The following DYNC2H1 variants were observed in gnomAD, a reference collection of about 807,000 sequenced individuals.
The protein encoded by DYNC2H1 is dynein cytoplasmic 2 heavy chain 1.
A neutral mutation model predicts 570.0 loss-of-function variants in DYNC2H1; 410 were observed. That is an observed-to-expected ratio of 0.72 (90% CI 0.66 to 0.78). The LOEUF is 0.78. Ranked by LOEUF, DYNC2H1 falls within the 30% of genes least tolerant of loss-of-function variation. The pLI is 0.00. For missense variants in DYNC2H1, 4,865 were observed against 5,046.4 expected (o/e 0.96, Z 1.09); for synonymous variants, 1,688 against 1,677.6 (o/e 1.01, Z -0.15).
Position 103,272,844 on chromosome 11 carries a change from A to G in DYNC2H1, c.10696-7504A>G, listed in dbSNP as rs539463511. 4.7e-5 allele frequency among the ~76,000 whole-genome samples: 7 copies of G among 150,296 alleles called. No homozygotes were observed. The South Asian group carries it at 1.3e-3, about 27-fold the overall frequency. ...ACCATCTAATGGCCTACTGTCATTTATTAATTTTTCTTCATTAGGTAGTTA... is the reference window on the plus strand; with the variant it reads ...ACCATCTAATGGCCTACTGTCATTTGTTAATTTTTCTTCATTAGGTAGTTA... On this transcript the variant is annotated intron_variant, in intron 70 of 88. Coordinates refer to ENST00000375735, the MANE Select transcript of DYNC2H1 (RefSeq NM_001377.3).
chr11:103,466,094 C>G (rs1945186504), intron 87 of DYNC2H1, among the ~76,000 whole-genome samples: 1 of 147,968 alleles, frequency 6.8e-6, no homozygotes, highest in Non-Finnish European at 1.5e-5. Context: ...GAACGACAGA[C>G]TAATGTAACA....
At position 103,204,030 on chromosome 11, in the gene DYNC2H1, AG is replaced by A. The variant is rs757983806; in HGVS notation, c.8311+255del. Among the ~76,000 whole-genome samples the A allele has an allele frequency of 6.6e-6, 1 of 152,144 alleles. No individual in the cohort carries two copies. The highest frequency in any genetic ancestry group is 1.5e-5 in the Non-Finnish European group (1 of 68,030). ...AAAGAAAGAGGTTTATTGGACTCAC[AG>A]TTCCCACATGGCTGGGGAGGCCTCA... On this transcript the variant is annotated intron_variant, in intron 51 of 88. Coordinates refer to ENST00000375735, the MANE Select transcript of DYNC2H1 (RefSeq NM_001377.3). The surrounding 1 kb of genome is among the most constrained non-coding windows in gnomAD (Gnocchi z 4.1).
At chr11:103,294,520 T>C (rs1315198633) in intron 75 of DYNC2H1, among the ~76,000 whole-genome samples, 1 of 152,188 alleles carries the variant, frequency 6.6e-6, no homozygotes, top group African/African-American at 2.4e-5. Context: ...GGGAGAATTC[T>C]CTGGGTTCCT....
chr11:103,376,221 T>C (rs1941385619), intron 83 of DYNC2H1, among the ~76,000 whole-genome samples: 1 of 152,228 alleles, frequency 6.6e-6, no homozygotes, highest in Non-Finnish European at 1.5e-5. Context: ...TGTGAGTCAA[T>C]TAAAACTCTT....
At chr11:103,182,263 C>A (rs1160147628) in intron 40 of DYNC2H1, among the ~76,000 whole-genome samples, 3 of 149,554 alleles carry the variant, frequency 2.0e-5, no homozygotes, top group African/African-American at 7.4e-5. Flanking sequence ...TATTTATATA[C>A]CTATATATAC....
intron 83 of DYNC2H1, among the ~76,000 whole-genome samples, chr11:103,389,981 T>G (rs953645708): frequency 1.8e-4 from 27 of 152,300 alleles, no homozygotes; most frequent in African/African-American, 2.9e-4. Context: ...CTGTTGATTT[T>G]GGGTGGAGAG....
intron 83 of DYNC2H1, among the ~76,000 whole-genome samples, chr11:103,371,767 G>A (rs1941155204): frequency 6.6e-6 from 1 of 151,992 alleles, no homozygotes; most frequent in African/African-American, 2.4e-5. Context: ...ACTATTAGTG[G>A]ATAGTAACAC....
Position 103,148,490 on chromosome 11 carries a change from C to A in DYNC2H1, c.2819C>A (p.Ala940Asp). The A allele has an allele frequency of 6.4e-7, 1 of 1,557,326 alleles. No homozygotes were observed. The highest frequency in any genetic ancestry group is 8.7e-7 in the Non-Finnish European group (1 of 1,149,578). The change falls in exon 20 of 89, where the codon GCT (alanine) becomes GAT (aspartate). Residue 940 changes from alanine (A) to aspartate (D), a missense_variant and splice_region_variant. By Grantham distance (126) the Ala-to-Asp change is moderately radical (BLOSUM62 -2). Transcript: ENST00000375735. ...LVLSLKKSIQ[A>D]HLHEIDTFVT... The stretch of plus-strand genomic sequence containing the variant: ...CTTGTATTTCAATGTTACCACTCAG[C>A]TCATTTACATGAAATTGATACATTT...
intron 87 of DYNC2H1, among the ~76,000 whole-genome samples, chr11:103,458,766 C>G (rs1334288397): frequency 6.6e-6 from 1 of 151,966 alleles, no homozygotes; most frequent in Non-Finnish European, 1.5e-5. Context: ...CCCCAGCAAC[C>G]CCAACCTTTT....
chr11:103,470,870 A>G (rs1000479919), intron 88 of DYNC2H1, among the ~76,000 whole-genome samples: 5 of 152,236 alleles, frequency 3.3e-5, no homozygotes, highest in Non-Finnish European at 7.3e-5. Flanking sequence ...GTGCCGCTAT[A>G]AACATACGTG....
chr11:103,250,261 T>C (rs1052257262), intron 65 of DYNC2H1, among the ~76,000 whole-genome samples: 1 of 152,100 alleles, frequency 6.6e-6, no homozygotes, highest in African/African-American at 2.4e-5. Flanking sequence ...TTTCCTGATA[T>C]TGATAATTTT....
At position 103,394,266 on chromosome 11, in the gene DYNC2H1, T is replaced by C. The variant is rs753272357; in HGVS notation, c.12157-5397T>C. Among the ~76,000 whole-genome samples, 12 of 152,180 alleles carry C rather than the reference T, an allele frequency of 7.9e-5. 1 individual carries two copies. Among genetic ancestry groups the C allele is most frequent in the Non-Finnish European group, 1.3e-4 (9 of 68,040 alleles). On this transcript the variant is annotated intron_variant, in intron 83 of 88. Transcript: ENST00000375735. ...TTATTTGATCCACTTGACAATTTGCTATGAAAAGGAATACGGATCTCCGAA... is the reference window on the plus strand; with the variant it reads ...TTATTTGATCCACTTGACAATTTGCCATGAAAAGGAATACGGATCTCCGAA...
Position 103,289,733 on chromosome 11 carries a change from C to T in DYNC2H1, c.11095+2128C>T, listed in dbSNP as rs1248627506. Among the ~76,000 whole-genome samples the T allele has an allele frequency of 5.9e-5, 9 of 151,924 alleles. No individual in the cohort carries two copies. Among genetic ancestry groups the T allele is most frequent in the African/African-American group, 1.9e-4 (8 of 41,366 alleles). ...CTGTGATTCTGTCACCACATCCCAG[C>T]GTGGACAGCAGAGCAAGACCTCATC... On this transcript the variant is annotated intron_variant, in intron 75 of 88. Coordinates refer to ENST00000375735, the MANE Select transcript of DYNC2H1 (RefSeq NM_001377.3). The surrounding 1 kb of genome is among the most constrained non-coding windows in gnomAD (Gnocchi z 4.2).
intron 17 of DYNC2H1, among the ~76,000 whole-genome samples, chr11:103,138,135 A>G (rs1002381930): frequency 3.3e-5 from 5 of 152,070 alleles, no homozygotes; most frequent in African/African-American, 9.6e-5. Flanking sequence ...GGGCTGAGAC[A>G]ATGGGGTTTT....
intron 46 of DYNC2H1, 91 bp from the exon 47 acceptor site, chr11:103,192,006 G>T: frequency 9.4e-7 from 1 of 1,059,632 alleles, no homozygotes; most frequent in Non-Finnish European, 1.3e-6. Context: ...ATTATGGTAT[G>T]TAGACACCTG....
Position 103,439,918 on chromosome 11 carries a change from G to T in DYNC2H1, c.12456+3886G>T, listed in dbSNP as rs1944204919. ...AAATAACATCTTCAAAGAGTTTCTT[G>T]TGTTCCTGATTTCCACTCTGTGTTT... On this transcript the variant is annotated intron_variant, in intron 85 of 88. Coordinates refer to ENST00000375735, the MANE Select transcript of DYNC2H1 (RefSeq NM_001377.3). This position sits in a 1 kb window ranked among gnomAD's most constrained non-coding sequence, Gnocchi z 4.1. 6.6e-6 allele frequency among the ~76,000 whole-genome samples: 1 copy of T among 151,994 alleles called. No homozygotes were observed. Among genetic ancestry groups the T allele is most frequent in the Non-Finnish European group, 1.5e-5 (1 of 68,008 alleles).
chr11:103,250,690 G>A (rs1864797897), intron 65 of DYNC2H1, among the ~76,000 whole-genome samples: 1 of 151,920 alleles, frequency 6.6e-6, no homozygotes, highest in African/African-American at 2.4e-5. Flanking sequence ...TCAAAATATT[G>A]ATAGTCTTTT....
chr11:103,395,934 C>T lies in DYNC2H1; in HGVS notation c.12157-3729C>T, dbSNP rs1437830212. Among the ~76,000 whole-genome samples, 1 of 152,126 alleles carries T rather than the reference C, an allele frequency of 6.6e-6. No individual in the cohort carries two copies. Reference sequence around the variant, plus strand: ...TACATAGAAGTGAAGGTATTTTTCCCTTTTCTTTAACCCTTACAGATCCAC... The same window carrying T: ...TACATAGAAGTGAAGGTATTTTTCCTTTTTCTTTAACCCTTACAGATCCAC... On this transcript the variant is annotated intron_variant, in intron 83 of 88. Coordinates refer to ENST00000375735, the MANE Select transcript of DYNC2H1 (RefSeq NM_001377.3). The surrounding 1 kb of genome is among the most constrained non-coding windows in gnomAD (Gnocchi z 4.3).
rs1860597208 is a variant in DYNC2H1, at chr11:103,152,295, T to A, written c.3096+10T>A. 2 of 1,566,250 alleles carry A rather than the reference T, an allele frequency of 1.3e-6. No individual in the cohort carries two copies. Among genetic ancestry groups the A allele is most frequent in the Non-Finnish European group, 8.6e-7 (1 of 1,164,790 alleles). On this transcript the variant is annotated intron_variant, in intron 21 of 88. Coordinates refer to ENST00000375735, the MANE Select transcript of DYNC2H1 (RefSeq NM_001377.3). ...TATGATTAAAGACCAGGTTAGAATC[T>A]TTTAATTATTTATTAAAATGGGAAC...
Sources: gnomAD v4.1 joint callset for allele counts (sites outside exome capture counted in the v4.1 genomes callset) on GRCh38, gnomAD v4.1.1 for gene constraint, Gnocchi (gnomAD v3.1) non-coding constraint, MANE v1.5 for transcripts, NCBI Gene and HGNC (gene_info 2026-07-23, HGNC 2026-07-21) for gene names.